Variants in MEGF10 observed in about 807,000 individuals in gnomAD.
The protein encoded by MEGF10 is multiple epidermal growth factor-like domains protein 10.
Under a neutral mutation model 147.5 loss-of-function variants are expected in MEGF10, and 86 were observed. The observed-to-expected ratio is 0.58, with a 90% CI of 0.49 to 0.70. MEGF10 has a LOEUF of 0.70. MEGF10 is among the 30% of genes least tolerant of loss of function. MEGF10 has a pLI of 0.00. For synonymous variants in MEGF10, 478 were observed against 525.5 expected, an observed-to-expected ratio of 0.91 and a Z score of 1.24; for missense variants, 1,329 against 1,487.3, an observed-to-expected ratio of 0.89 and a Z score of 1.75.
chr5:127,337,102 A>G (rs1761500409), intron 2 of MEGF10, among the ~76,000 whole-genome samples: 1 of 152,164 alleles, frequency 6.6e-6, no homozygotes, highest in South Asian at 2.1e-4. Context: ...CTTCAAAGGA[A>G]TGGGCTCAGT....
At chr5:127,400,015 G>C (rs185263821) in intron 7 of MEGF10, among the ~76,000 whole-genome samples, 10 of 152,326 alleles carry the variant, frequency 6.6e-5, no homozygotes, top group Admixed American at 5.9e-4. Flanking sequence ...CCAAGCTAGA[G>C]TCTCCACAGC....
chr5:127,271,410 T>C, the MEGF10 span, among the ~76,000 whole-genome samples: 9 of 152,292 alleles, frequency 5.9e-5, no homozygotes, highest in Admixed American at 5.2e-4. Flanking sequence ...TGGGGTTTTT[T>C]TTTTCTTATA....
intron 13 of MEGF10, among the ~76,000 whole-genome samples, chr5:127,428,144 T>C (rs1420502502): frequency 7.4e-6 from 1 of 135,998 alleles, no homozygotes; most frequent in Non-Finnish European, 1.6e-5. Context: ...GTCTGGTATT[T>C]TTTTTTTTTT....
At chr5:127,411,052 G>C (rs1196602008) in intron 9 of MEGF10, among the ~76,000 whole-genome samples, 1 of 152,168 alleles carries the variant, frequency 6.6e-6, no homozygotes, top group Non-Finnish European at 1.5e-5. Flanking sequence ...GCTAGAGAGA[G>C]GAAGTGAACT....
chr5:127,309,994 T>TTTCCTTCC (rs1554089026), intron 1 of MEGF10, among the ~76,000 whole-genome samples: 5 of 56,862 alleles, frequency 8.8e-5, no homozygotes, highest in African/African-American at 2.1e-4. Flanking sequence ...TCTTTCTTTC[T>TTTCCTTCC]TTCCTTCCTT....
At chr5:127,381,338 C>T (rs1488677064) in intron 5 of MEGF10, among the ~76,000 whole-genome samples, 4 of 152,198 alleles carry the variant, frequency 2.6e-5, no homozygotes, top group African/African-American at 7.2e-5. Context: ...AATAACAGCC[C>T]GGTTTAAAAG....
chr5:127,444,783 C>T (rs1462973075), intron 19 of MEGF10: 1 of 152,432 alleles, frequency 6.6e-6, no homozygotes, highest in Non-Finnish European at 1.5e-5. Context: ...ACAATATCTT[C>T]TGAGGTAAAA....
At chr5:127,338,391 T>G (rs558173318) in intron 2 of MEGF10, among the ~76,000 whole-genome samples, 33 of 152,258 alleles carry the variant, frequency 2.2e-4, no homozygotes, top group African/African-American at 7.7e-4. Context: ...TCATATTTCA[T>G]GGATGTTTTC....
At chr5:127,301,785 A>G (rs1278839027) in intron 1 of MEGF10, among the ~76,000 whole-genome samples, 1 of 152,236 alleles carries the variant, frequency 6.6e-6, no homozygotes. Context: ...CTCAATATAT[A>G]TTAGTTATTA....
At chr5:127,270,801 A>G in the MEGF10 span, among the ~76,000 whole-genome samples, 3 of 152,120 alleles carry the variant, frequency 2.0e-5, no homozygotes, top group Non-Finnish European at 4.4e-5. Flanking sequence ...GCTCCCACTT[A>G]TAAGTGAGAA....
At chr5:127,453,477 T>C (rs1245448462) in intron 22 of MEGF10, among the ~76,000 whole-genome samples, 1 of 152,216 alleles carries the variant, frequency 6.6e-6, no homozygotes, top group Non-Finnish European at 1.5e-5. Flanking sequence ...TGTATGGTGC[T>C]TCAGAGTTTA....
intron 1 of MEGF10, among the ~76,000 whole-genome samples, chr5:127,328,737 G>A (rs1199656671): frequency 6.6e-6 from 1 of 151,544 alleles, no homozygotes; most frequent in Non-Finnish European, 1.5e-5. Flanking sequence ...CCAATTTGGG[G>A]TAATTGTTTA....
Position 127,396,772 on chromosome 5 carries a change from G to C in MEGF10, c.653G>C (p.Gly218Ala). 6.2e-7 allele frequency: 1 copy of C among 1,612,830 alleles called. No individual in the cohort carries two copies. Among genetic ancestry groups the C allele is most frequent in the Non-Finnish European group, 8.5e-7 (1 of 1,179,254 alleles). Residue 218 changes from glycine (G) to alanine (A), a missense_variant, in exon 6 of 25, where the codon GGA becomes GCA. By Grantham distance (60) the Gly-to-Ala change is moderately conservative. Coordinates refer to ENST00000503335, the MANE Select transcript of MEGF10 (RefSeq NM_001256545.2). ...GECRCPPGYT[G>A]AFCEDLCPPG... ...TGCCGCTGCCCACCAGGATACACCGGAGCCTTGTAAGTCACATGCTGCCCA... is the reference window on the plus strand; with the variant it reads ...TGCCGCTGCCCACCAGGATACACCGCAGCCTTGTAAGTCACATGCTGCCCA...
At chr5:127,420,530 A>C (rs563174816) in intron 12 of MEGF10, among the ~76,000 whole-genome samples, 1 of 152,140 alleles carries the variant, frequency 6.6e-6, no homozygotes, top group African/African-American at 2.4e-5. Flanking sequence ...CTGGTCTCCA[A>C]ATATTTTGTT....
Position 127,331,407 on chromosome 5 carries a change from G to T in MEGF10, c.99G>T (p.Val33=), listed in dbSNP as rs1204696743. The stretch of plus-strand genomic sequence containing the variant: ...CTCTGAATCTTGAAGACCCTAATGT[G>T]TGTAGCCACTGGGAAAGGTAATGGT... ...ASPLNLEDPN[V]CSHWESYSVT... Residue 33 remains valine (V), a synonymous_variant, in exon 2 of 25, where the codon GTG becomes GTT. Transcript: ENST00000503335. 46 of 1,605,904 alleles carry T rather than the reference G, an allele frequency of 2.9e-5. No individual in the cohort carries two copies. Among genetic ancestry groups the T allele is most frequent in the Non-Finnish European group, 3.9e-5 (46 of 1,173,570 alleles).
chr5:127,303,335 CAAA>C (rs1174955274), intron 1 of MEGF10, among the ~76,000 whole-genome samples: 4 of 50,620 alleles, frequency 7.9e-5, no homozygotes, highest in Non-Finnish European at 9.4e-5. Context: ...GACTCCATGT[CAAA>C]AAAAAAAAAA....
At chr5:127,294,180 C>T (rs1472132791) in intron 1 of MEGF10, among the ~76,000 whole-genome samples, 2 of 152,158 alleles carry the variant, frequency 1.3e-5, no homozygotes, top group Non-Finnish European at 2.9e-5. Flanking sequence ...ATAAACTTAG[C>T]GATATCTCAT....
intron 5 of MEGF10, among the ~76,000 whole-genome samples, chr5:127,387,629 T>G (rs10519938): frequency 0.18 from 27,501 of 152,158 alleles, 2,647 homozygotes; most frequent in African/African-American, 0.25. Flanking sequence ...TTGGAGACAT[T>G]GCATTGATGG....
At chr5:127,446,913 C>G (rs569551414) in intron 20 of MEGF10, among the ~76,000 whole-genome samples, 2 of 152,292 alleles carry the variant, frequency 1.3e-5, no homozygotes, top group South Asian at 4.2e-4. Context: ...TCAGGGAACT[C>G]AGAGTACAGG....
Sources: allele counts gnomAD v4.1 joint callset (sites outside exome capture counted in the v4.1 genomes callset), GRCh38; gene constraint gnomAD v4.1.1; transcripts MANE v1.5; gene names NCBI Gene and HGNC (gene_info 2026-07-23, HGNC 2026-07-21).